Variants in ACACA observed in about 807,000 individuals in gnomAD.
ACACA encodes acetyl-CoA carboxylase 1.
A neutral mutation model predicts 296.1 loss-of-function variants in ACACA; 103 were observed. The observed-to-expected ratio is 0.35, with a 90% confidence interval of 0.30 to 0.41. The LOEUF is 0.41. ACACA is among the 10% of genes least tolerant of loss of function. The pLI is 1.00. For synonymous variants in ACACA, 953 were observed against 1,038.6 expected (o/e 0.92, Z 1.58); for missense variants, 1,554 against 2,989.7 (o/e 0.52, Z 11.20).
chr17:37,128,773 A>G (rs189740648), intron 47 of ACACA, among the ~76,000 whole-genome samples: 7 of 152,352 alleles, frequency 4.6e-5, no homozygotes, highest in Admixed American at 3.9e-4. Context: ...ATGTATCTAT[A>G]TAATTAAAAG....
intron 3 of ACACA, among the ~76,000 whole-genome samples, chr17:37,294,908 T>C (rs1397933274): frequency 1.3e-5 from 2 of 152,200 alleles, no homozygotes; most frequent in Non-Finnish European, 2.9e-5. Context: ...TGGCCTACTA[T>C]GAGGTTTCCT....
chr17:37,095,154 G>T (rs1007687812), intron 54 of ACACA, among the ~76,000 whole-genome samples: 7 of 152,192 alleles, frequency 4.6e-5, no homozygotes, highest in African/African-American at 1.7e-4. Flanking sequence ...GACTAATGTG[G>T]TAGGGAGGCA....
chr17:37,309,711 A>G (rs941556657), intron 3 of ACACA, among the ~76,000 whole-genome samples: 2 of 152,076 alleles, frequency 1.3e-5, no homozygotes, highest in African/African-American at 2.4e-5. Flanking sequence ...AGCAAATGGA[A>G]GTTGACAGAA....
At chr17:37,318,566 C>A (rs991801292) in intron 3 of ACACA, among the ~76,000 whole-genome samples, 1 of 152,104 alleles carries the variant, frequency 6.6e-6, no homozygotes, top group African/African-American at 2.4e-5. Flanking sequence ...AGTGGTTATT[C>A]TCAACGTGTG....
At chr17:37,192,464 TACA>T (rs2077799682) in intron 36 of ACACA, among the ~76,000 whole-genome samples, 159 bp from the exon 37 acceptor site, 1 of 152,190 alleles carries the variant, frequency 6.6e-6, no homozygotes, top group Non-Finnish European at 1.5e-5. Flanking sequence ...TGCTACAGCT[TACA>T]TAAGATTAGG....
At chr17:37,109,220 G>A (rs2142985766) in intron 52 of ACACA, among the ~76,000 whole-genome samples, 1 of 152,332 alleles carries the variant, frequency 6.6e-6, no homozygotes, top group Admixed American at 6.5e-5. Flanking sequence ...GGATATCCCT[G>A]AGAGACAGGA....
chr17:37,096,983 G>A lies in ACACA; in HGVS notation c.6891+13C>T. 1 of 1,614,032 alleles carries A rather than the reference G, an allele frequency of 6.2e-7. No homozygotes were observed. The highest frequency in any genetic ancestry group is 8.5e-7 in the Non-Finnish European group (1 of 1,180,026). On this transcript the variant is annotated intron_variant, in intron 54 of 55. Transcript: ENST00000616317. ...ACTCAGCAAAAAGGCTTCTCTTTGA[G>A]TGTCCCACCTACCTTCACTGTTCCT...
At chr17:37,162,621 C>T (rs187409295) in intron 41 of ACACA, 101 of 273,872 alleles carry the variant, frequency 3.7e-4, no homozygotes, top group Non-Finnish European at 5.8e-4. Flanking sequence ...GTGCTATGAA[C>T]GCCTTGGGCA....
rs557095585 is a variant in ACACA at position 37,194,663 on chromosome 17, A to G, written c.4159-1248T>C. Among the ~76,000 whole-genome samples the G allele has an allele frequency of 5.3e-5, 8 of 152,330 alleles. No homozygotes were observed. The South Asian group carries it at 1.7e-3, about 32-fold the overall frequency. On this transcript the variant is annotated intron_variant, in intron 35 of 55. Coordinates refer to ENST00000616317, the MANE Select transcript of ACACA (RefSeq NM_198834.3). ...GCAGAAAGCAAACAAAGCAAAACTCATGCTGTAAACCTGTGGTTCTTGAAT... is the reference window on the plus strand; with the variant it reads ...GCAGAAAGCAAACAAAGCAAAACTCGTGCTGTAAACCTGTGGTTCTTGAAT...
At chr17:37,099,756 C>A (rs148255840) in intron 52 of ACACA, among the ~76,000 whole-genome samples, 9 of 152,190 alleles carry the variant, frequency 5.9e-5, no homozygotes, top group Admixed American at 3.9e-4. Context: ...CTCAGAACAC[C>A]CTTGTTAGGG....
chr17:37,202,664 C>A (rs1440565232), intron 33 of ACACA, among the ~76,000 whole-genome samples: 2 of 100,252 alleles, frequency 2.0e-5, no homozygotes, highest in Admixed American at 1.0e-4. Flanking sequence ...CTTTCCTTTT[C>A]TTTCATATAT....
chr17:37,382,838 G>A (rs575817751), intron 1 of ACACA, among the ~76,000 whole-genome samples: 14 of 151,950 alleles, frequency 9.2e-5, no homozygotes, highest in South Asian at 2.1e-4. Context: ...CCAGCCTGGC[G>A]ACAGAGCGAG....
At chr17:37,383,166 A>G (rs1280651034) in intron 1 of ACACA, among the ~76,000 whole-genome samples, 3 of 152,218 alleles carry the variant, frequency 2.0e-5, no homozygotes, top group Non-Finnish European at 2.9e-5. Context: ...TGTTGGGGAA[A>G]AGTGGACTTA....
intron 33 of ACACA, among the ~76,000 whole-genome samples, chr17:37,203,416 T>C (rs1056266417): frequency 5.9e-5 from 9 of 152,026 alleles, no homozygotes; most frequent in Admixed American, 5.9e-4. Context: ...GATTATTTCA[T>C]GAAGCAGCAG....
intron 3 of ACACA, 41 bp downstream of exon 3, chr17:37,330,132 C>A: frequency 6.2e-7 from 1 of 1,612,164 alleles, no homozygotes. Flanking sequence ...GCAAAACTAA[C>A]AAGACAGATT....
chr17:37,275,885 G>T (rs2082265988), intron 8 of ACACA, 66 bp downstream of exon 8: 7 of 1,350,938 alleles, frequency 5.2e-6, no homozygotes, highest in African/African-American at 1.4e-5. Context: ...TTCAAAAGAG[G>T]TAAGTCCCAA....
intron 52 of ACACA, among the ~76,000 whole-genome samples, chr17:37,109,356 T>C (rs1007376250): frequency 6.6e-6 from 1 of 152,224 alleles, no homozygotes; most frequent in Non-Finnish European, 1.5e-5. Flanking sequence ...ATGAAGTAAA[T>C]GCATGCTCAT....
intron 9 of ACACA, 97 bp from the exon 10 acceptor site, chr17:37,270,958 GT>G: frequency 4.8e-6 from 4 of 837,542 alleles, no homozygotes; most frequent in Non-Finnish European, 6.1e-6. Context: ...CAGTCATTTA[GT>G]AATTCTAAAT....
chr17:37,167,957 T>C (rs371720020), intron 41 of ACACA, among the ~76,000 whole-genome samples: 5 of 152,136 alleles, frequency 3.3e-5, no homozygotes, highest in Non-Finnish European at 7.4e-5. Flanking sequence ...ATGAAGACTA[T>C]GAATAGCATT....
Sources: allele counts gnomAD v4.1 joint callset (sites outside exome capture counted in the v4.1 genomes callset), GRCh38; gene constraint gnomAD v4.1.1; transcripts MANE v1.5; gene names NCBI Gene and HGNC (gene_info 2026-07-23, HGNC 2026-07-21).